LDB3: variants seen among roughly 807,000 people sequenced by gnomAD.
LDB3 encodes LIM domain-binding protein 3.
Under a neutral mutation model 69.0 loss-of-function variants are expected in LDB3, and 49 were observed. The observed-to-expected ratio is 0.71, with a 90% CI of 0.56 to 0.90. The LOEUF is 0.90. Among genes scored for constraint, LDB3 ranks in the 40% least tolerant of loss-of-function variants. The probability of loss-of-function intolerance (pLI) is 0.00; values close to 1 mark genes in which losing one functional copy is unlikely to be tolerated. For missense variants in LDB3, 928 were observed against 974.1 expected (o/e 0.95, Z 0.63); for synonymous variants, 387 against 396.2 (o/e 0.98, Z 0.28).
intron 9 of LDB3, among the ~76,000 whole-genome samples, chr10:86,715,510 G>T (rs1437201474): frequency 6.6e-6 from 1 of 152,176 alleles, no homozygotes; most frequent in Admixed American, 6.5e-5. Flanking sequence ...GGAGGAGGGG[G>T]TGATAGAAGT....
At chr10:86,671,677 T>TGGTCTGG in intron 2 of LDB3, among the ~76,000 whole-genome samples, 1 of 152,280 alleles carries the variant, frequency 6.6e-6, no homozygotes, top group Non-Finnish European at 1.5e-5. Flanking sequence ...GCTGGGGCTG[T>TGGTCTGG]GGTCTGGGGT....
intron 2 of LDB3, among the ~76,000 whole-genome samples, chr10:86,673,336 G>A (rs763890023): frequency 2.4e-4 from 37 of 152,224 alleles, no homozygotes; most frequent in African/African-American, 4.6e-4. Context: ...ATTGATATGC[G>A]TGGAATAATG....
Position 86,692,014 on chromosome 10 carries a change from C to G in LDB3, c.808C>G (p.Leu270Val). The G allele has an allele frequency of 1.2e-6, 2 of 1,614,230 alleles. No homozygotes were observed. Among genetic ancestry groups the G allele is most frequent in the Non-Finnish European group, 8.5e-7 (1 of 1,180,052 alleles). The change falls in exon 6 of 14, where the codon CTG becomes GTG. Residue 270 changes from leucine (L) to valine (V), a missense_variant. By Grantham distance (32) the Leu-to-Val change is conservative. Transcript: ENST00000361373. Reference sequence around the variant, plus strand: ...CGAGTGGGCACGCCGTTCCTCCAACCTGCAGTCTCGCTCCTTCCGCATCCT... The same window carrying G: ...CGAGTGGGCACGCCGTTCCTCCAACGTGCAGTCTCGCTCCTTCCGCATCCT... Reference protein sequence around the residue: ...ADEWARRSSNLQSRSFRILAQ... With the variant: ...ADEWARRSSNVQSRSFRILAQ...
At position 86,693,766 on chromosome 10, in the gene LDB3, C is replaced by T. The variant is rs184229395; in HGVS notation, c.896+1195C>T. Among the ~76,000 whole-genome samples, 12 of 152,346 alleles carry T rather than the reference C, an allele frequency of 7.9e-5. No individual in the cohort carries two copies. The East Asian group carries it at 2.1e-3, about 27-fold the overall frequency. ...GCTTTAAGTGCCAGAGCTCTCAGCT[C>T]TCCCCTCCCGCTGTGCTCCGCTGTC... On this transcript the variant is annotated intron_variant, in intron 7 of 13. Transcript: ENST00000361373.
chr10:86,710,691 C>G lies in LDB3; in HGVS notation c.1231+641C>G, dbSNP rs537449952. On this transcript the variant is annotated intron_variant, in intron 9 of 13. Coordinates refer to ENST00000361373, the MANE Select transcript of LDB3 (RefSeq NM_007078.3). ...GTCCTATCCAGGCGCAGGGAGAAAC[C>G]CCAGGGAAGTTTTCTCTGCCGCTGG... Among the ~76,000 whole-genome samples, 3 of 152,324 alleles carry G rather than the reference C, an allele frequency of 2.0e-5. No individual in the cohort carries two copies. The South Asian group carries it at 6.2e-4, about 32-fold the overall frequency.
At chr10:86,726,914 G>A (rs1266440329) in intron 13 of LDB3, among the ~76,000 whole-genome samples, 1 of 152,030 alleles carries the variant, frequency 6.6e-6, no homozygotes, top group Non-Finnish European at 1.5e-5. Flanking sequence ...GGCACATGAT[G>A]GTGAGCCTAC....
At chr10:86,731,684 A>G (rs540859699) in intron 13 of LDB3, among the ~76,000 whole-genome samples, 1 of 152,324 alleles carries the variant, frequency 6.6e-6, no homozygotes, top group Admixed American at 6.5e-5. Context: ...AAAATTCTCT[A>G]GCGTGGCATT....
At chr10:86,726,993 T>A (rs1847277106) in intron 13 of LDB3, among the ~76,000 whole-genome samples, 1 of 151,608 alleles carries the variant, frequency 6.6e-6, no homozygotes, top group African/African-American at 2.4e-5. Flanking sequence ...TGTCAATCTG[T>A]CATTGCCTAA....
intron 13 of LDB3, among the ~76,000 whole-genome samples, chr10:86,732,009 CTT>C (rs1323088769): frequency 6.6e-5 from 6 of 91,038 alleles, no homozygotes; most frequent in Admixed American, 3.5e-4. Context: ...CTTTCTTTTT[CTT>C]TTTTTTTTTT....
In LDB3 at chr10:86,733,010, A is replaced by C. The variant is rs751330267; in HGVS notation, c.*34A>C. On this transcript the variant is annotated 3_prime_UTR_variant, in exon 14 of 14. Coordinates refer to ENST00000361373, the MANE Select transcript of LDB3 (RefSeq NM_007078.3). ...GGCCGCCTGTGCTGACGAGGCCCGG[A>C]GCTGCTCCTGCTGCTGGCAACAAAG... 2 of 1,478,800 alleles carry C rather than the reference A, an allele frequency of 1.4e-6. No homozygotes were observed. The highest frequency in any genetic ancestry group is 2.3e-5 in the South Asian group (2 of 86,832). 91.6% of individuals were successfully genotyped at this position (1,478,800 alleles called of 1,614,324 possible).
chr10:86,699,450 A>AGCCCCACGGTGAT lies in LDB3; in HGVS notation c.896+6882_896+6894dup. 1 of 1,608,454 alleles carries AGCCCCACGGTGAT rather than the reference A, an allele frequency of 6.2e-7. No homozygotes were observed. Among genetic ancestry groups the AGCCCCACGGTGAT allele is most frequent in the Non-Finnish European group, 8.5e-7 (1 of 1,178,236 alleles). On this transcript the variant is annotated intron_variant, in intron 7 of 13. Coordinates refer to ENST00000361373, the MANE Select transcript of LDB3 (RefSeq NM_007078.3). The surrounding 1 kb of genome is among the most constrained non-coding windows in gnomAD (Gnocchi z 4.9). ...TACCCCCACACAGATCTGGCATGTG[A>AGCCCCACGGTGAT]GCCCCACGGTGATGCTTGACAATGT...
chr10:86,729,563 T>G (rs1847385991), intron 13 of LDB3, among the ~76,000 whole-genome samples: 1 of 152,160 alleles, frequency 6.6e-6, no homozygotes, highest in Admixed American at 6.5e-5. Context: ...CTGTCCATGG[T>G]CGCTACCCTT....
At chr10:86,725,191 CA>C (rs1364454236) in intron 12 of LDB3, among the ~76,000 whole-genome samples, 1 of 152,178 alleles carries the variant, frequency 6.6e-6, no homozygotes, top group East Asian at 1.9e-4. Context: ...AGATGTTCTA[CA>C]GTCAGTGTGG....
At chr10:86,673,728 G>A (rs1420202584) in intron 2 of LDB3, among the ~76,000 whole-genome samples, 1 of 152,068 alleles carries the variant, frequency 6.6e-6, no homozygotes, top group African/African-American at 2.4e-5. Flanking sequence ...GTGGGGAGGG[G>A]GAGCTGCTGA....
chr10:86,678,704 G>A (rs1043530850), intron 2 of LDB3, among the ~76,000 whole-genome samples: 6 of 151,980 alleles, frequency 3.9e-5, no homozygotes, highest in Non-Finnish European at 5.9e-5. Context: ...AGTGGTGAGC[G>A]ATCATAGTTT....
At chr10:86,688,050 CGT>C (rs71487273) in intron 5 of LDB3, among the ~76,000 whole-genome samples, 2,762 of 102,958 alleles carry the variant, frequency 0.027, 91 homozygotes, top group Admixed American at 0.066. Flanking sequence ...CCCCGACCCT[CGT>C]GTGTGTGTGT....
At chr10:86,714,383 G>A (rs747636831) in intron 9 of LDB3, among the ~76,000 whole-genome samples, 17 of 152,086 alleles carry the variant, frequency 1.1e-4, no homozygotes, top group Non-Finnish European at 2.4e-4. Context: ...GGCAGCTTGG[G>A]ATGATAGAAT....
At position 86,721,912 on chromosome 10, in the gene LDB3, G is replaced by A. The variant is rs190292735; in HGVS notation, c.1978+3065G>A. 2.6e-5 allele frequency among the ~76,000 whole-genome samples: 4 copies of A among 152,300 alleles called. No individual in the cohort carries two copies. In the East Asian group the frequency reaches 7.7e-4, roughly 29 times the overall value. On this transcript the variant is annotated intron_variant, in intron 12 of 13. Coordinates refer to ENST00000361373, the MANE Select transcript of LDB3 (RefSeq NM_007078.3). ...GCAATAAAATCCATTAAATGTGAGG[G>A]TAGTAATTCAGCTTGGGACAAGAGA...
rs1304038627 is a variant in LDB3, at chr10:86,733,176, A to G, written c.*200A>G. On this transcript the variant is annotated 3_prime_UTR_variant, in exon 14 of 14. Transcript: ENST00000361373. ...AGTTCAGACTAGGAGCCAAATGAAG[A>G]CTCAAAACCAAGCTAGTTATTAATC... is the stretch of plus-strand genomic sequence containing the variant. 1 of 557,266 alleles carries G rather than the reference A, an allele frequency of 1.8e-6. No individual in the cohort carries two copies. Among genetic ancestry groups the G allele is most frequent in the Non-Finnish European group, 3.2e-6 (1 of 309,304 alleles). 34.5% of individuals were successfully genotyped at this position (557,266 alleles called of 1,614,324 possible).
Sources: allele counts gnomAD v4.1 joint callset (sites outside exome capture counted in the v4.1 genomes callset), GRCh38; gene constraint gnomAD v4.1.1; non-coding constraint Gnocchi (gnomAD v3.1); transcripts MANE v1.5; gene names NCBI Gene and HGNC (gene_info 2026-07-23, HGNC 2026-07-21).